TCF12: variants seen among roughly 807,000 people sequenced by gnomAD.
TCF12 encodes the protein DNA-binding protein HTF4.
A neutral mutation model predicts 86.0 loss-of-function variants in TCF12; 45 were observed. The observed-to-expected ratio is 0.52, with a 90% CI of 0.41 to 0.67. The LOEUF (loss-of-function observed/expected upper bound fraction) is 0.67. TCF12 is among the 30% of genes least tolerant of loss of function. The pLI, the probability that TCF12 is intolerant of heterozygous loss-of-function variation, is 0.00. For missense variants in TCF12, 881 were observed against 859.9 expected, an observed-to-expected ratio of 1.02 and a Z score of -0.31; for synonymous variants, 330 against 299.6, an observed-to-expected ratio of 1.10 and a Z score of -1.05.
rs62023022 is a variant in TCF12 at position 57,101,611 on chromosome 15, G to A, written c.325+9720G>A. ...TGCACGCGTGCGTGCACACACACAC[G>A]TGCATATGCACCCACACACATATAT... On this transcript the variant is annotated intron_variant, in intron 5 of 20. Transcript: ENST00000333725. Among the ~76,000 whole-genome samples the A allele has an allele frequency of 3.6e-3, 547 of 152,278 alleles. 3 individuals carry two copies. The highest frequency in any genetic ancestry group is 5.5e-3 in the Non-Finnish European group (376 of 68,016).
At position 57,137,003 on chromosome 15, in the gene TCF12, G is replaced by A. The variant is rs533986017; in HGVS notation, c.326-29399G>A. On this transcript the variant is annotated intron_variant, in intron 5 of 20. Transcript: ENST00000333725. ...TTTTTTTTTTTTTTTTTTTTGAGAC[G>A]GAGTTTCACTCTGTCACCCAGGCTG... Among the ~76,000 whole-genome samples, 30 of 79,446 alleles carry A rather than the reference G, an allele frequency of 3.8e-4. 1 individual carries two copies. The East Asian group carries it at 7.1e-3, about 19-fold the overall frequency. The allele number at this position is 79,446 out of a possible 152,430, so 52.1% of individuals were successfully genotyped here. A position where few individuals can be genotyped will look rare whatever the true frequency, so the allele number is the denominator to read the frequency against.
chr15:56,958,736 G>C (rs550903325), intron 3 of TCF12, among the ~76,000 whole-genome samples: 3 of 149,858 alleles, frequency 2.0e-5, no homozygotes, highest in Non-Finnish European at 4.4e-5. Flanking sequence ...AGGCTGACAG[G>C]CATCGTGGCT....
At chr15:57,152,662 G>GA (rs1370393849) in intron 5 of TCF12, among the ~76,000 whole-genome samples, 1 of 151,402 alleles carries the variant, frequency 6.6e-6, no homozygotes, top group African/African-American at 2.4e-5. Flanking sequence ...AACACAAAGA[G>GA]AAAAAAAATG....
At chr15:57,069,652 A>G (rs901121104) in intron 4 of TCF12, among the ~76,000 whole-genome samples, 3 of 152,214 alleles carry the variant, frequency 2.0e-5, no homozygotes, top group African/African-American at 4.8e-5. Context: ...TGGCTAGGCT[A>G]TGTGACTAGT....
intron 5 of TCF12, among the ~76,000 whole-genome samples, chr15:57,140,715 A>T (rs1452405296): frequency 6.6e-6 from 1 of 152,222 alleles, no homozygotes; most frequent in Non-Finnish European, 1.5e-5. Flanking sequence ...TCTATGAGAT[A>T]TAAACAAAAT....
At chr15:57,155,138 C>T (rs1204873474) in intron 5 of TCF12, among the ~76,000 whole-genome samples, 1 of 152,136 alleles carries the variant, frequency 6.6e-6, no homozygotes, top group Non-Finnish European at 1.5e-5. Context: ...ATTACCATTA[C>T]CCCATGCCTT....
At chr15:57,190,506 A>AT (rs2151701484) in intron 6 of TCF12, among the ~76,000 whole-genome samples, 1 of 152,200 alleles carries the variant, frequency 6.6e-6, no homozygotes, top group Admixed American at 6.5e-5. Flanking sequence ...TACCAGAGGA[A>AT]TCACAGTTCT....
chr15:57,171,432 A>G (rs930433117), intron 6 of TCF12, among the ~76,000 whole-genome samples: 38 of 152,178 alleles, frequency 2.5e-4, no homozygotes, highest in African/African-American at 9.2e-4. Context: ...TGTCTTACCT[A>G]TTCACAAGCG....
intron 3 of TCF12, among the ~76,000 whole-genome samples, chr15:56,992,364 T>G (rs150128533): frequency 1.3e-5 from 2 of 152,364 alleles, no homozygotes; most frequent in East Asian, 3.9e-4. Flanking sequence ...CTTTTAATTT[T>G]TTGTTGTTGT....
chr15:57,007,824 C>CTTTCTT (rs1567242106), intron 3 of TCF12, among the ~76,000 whole-genome samples: 31 of 126,202 alleles, frequency 2.5e-4, no homozygotes, highest in African/African-American at 4.9e-4. Context: ...CTTTCTTTTT[C>CTTTCTT]TTTCTTTCTT....
At chr15:57,243,671 G>A in intron 13 of TCF12, 121 bp downstream of exon 13, 1 of 823,116 alleles carries the variant, frequency 1.2e-6, no homozygotes, top group Non-Finnish European at 1.9e-6. Flanking sequence ...TTGACTATAA[G>A]AAAGTGTGTA....
chr15:57,052,412 TG>T (rs1206033431), intron 3 of TCF12, among the ~76,000 whole-genome samples: 1 of 151,794 alleles, frequency 6.6e-6, no homozygotes, highest in Non-Finnish European at 1.5e-5. Context: ...CAGAGGCAGG[TG>T]GATAACCTGA....
rs548543251 is a variant in TCF12, at chr15:56,919,922, C to T, written c.9C>T (p.Pro3=). The T allele has an allele frequency of 1.2e-6, 2 of 1,614,070 alleles. No individual in the cohort carries two copies. The highest frequency in any genetic ancestry group is 1.1e-5 in the South Asian group (1 of 91,060). The stretch of plus-strand genomic sequence containing the variant: ...GCTAGAAGTGGCCGAAGATGAATCC[C>T]CAGCAACAACGCATGGCCGCTATAG... MN[P]QQQRMAAIGT... The change falls in exon 2 of 21, where the codon CCC becomes CCT. Residue 3 remains proline, a synonymous_variant. Transcript: ENST00000333725.
At chr15:57,089,704 A>C (rs2048869702) in intron 4 of TCF12, among the ~76,000 whole-genome samples, 1 of 151,270 alleles carries the variant, frequency 6.6e-6, no homozygotes, top group Admixed American at 6.6e-5. Flanking sequence ...TGTAGCGTGA[A>C]CAATGTAGCT....
intron 16 of TCF12, among the ~76,000 whole-genome samples, chr15:57,259,741 G>A (rs1448496462): frequency 2.0e-5 from 3 of 152,180 alleles, no homozygotes; most frequent in Admixed American, 2.0e-4. Context: ...ATGCTAACGA[G>A]GTGAACAATT....
intron 5 of TCF12, among the ~76,000 whole-genome samples, chr15:57,164,667 A>G (rs1398079383): frequency 1.3e-5 from 2 of 151,960 alleles, no homozygotes; most frequent in African/African-American, 4.8e-5. Flanking sequence ...TAGTCACAAT[A>G]AGAATTTTTT....
At chr15:57,232,104 T>C (rs1886755489) in intron 9 of TCF12, among the ~76,000 whole-genome samples, 187 bp from the exon 10 acceptor site, 1 of 152,202 alleles carries the variant, frequency 6.6e-6, no homozygotes, top group Non-Finnish European at 1.5e-5. Flanking sequence ...TTTCCCTAAC[T>C]AAAATGTTAA....
intron 5 of TCF12, chr15:57,130,024 A>G (rs538899345): frequency 6.6e-6 from 1 of 152,368 alleles, no homozygotes; most frequent in East Asian, 1.9e-4. Flanking sequence ...TCTTTGCTGT[A>G]AAAGCAAAAA....
intron 3 of TCF12, among the ~76,000 whole-genome samples, chr15:56,974,079 C>T (rs935443082): frequency 6.6e-6 from 1 of 152,098 alleles, no homozygotes; most frequent in Admixed American, 6.5e-5. Context: ...CTGTGAAGGA[C>T]ATTATTGGGA....
Sources: allele counts gnomAD v4.1 joint callset (sites outside exome capture counted in the v4.1 genomes callset), GRCh38; gene constraint gnomAD v4.1.1; transcripts MANE v1.5; gene names NCBI Gene and HGNC (gene_info 2026-07-23, HGNC 2026-07-21).